ATP10B: variants seen among roughly 807,000 people sequenced by gnomAD.
The protein encoded by ATP10B is phospholipid-transporting ATPase VB.
Under a neutral mutation model 141.2 loss-of-function variants are expected in ATP10B, and 122 were observed. That is an observed-to-expected ratio of 0.86 (90% confidence interval 0.75 to 1.00). ATP10B has a LOEUF of 1.00. Among genes scored for constraint, ATP10B ranks in the 50% least tolerant of loss-of-function variants. The probability of loss-of-function intolerance (pLI) is 0.00; values close to 1 mark genes in which losing one functional copy is unlikely to be tolerated. For synonymous variants in ATP10B, 685 were observed against 692.0 expected (o/e 0.99, Z 0.16); for missense variants, 1,876 against 1,825.3 (o/e 1.03, Z -0.51).
At chr5:160,844,709 A>G (rs908196764) in intron 1 of ATP10B, among the ~76,000 whole-genome samples, 1 of 151,854 alleles carries the variant, frequency 6.6e-6, no homozygotes, top group Non-Finnish European at 1.5e-5. Context: ...ACATGTCCTG[A>G]TAATTTTTGT....
intron 2 of ATP10B, among the ~76,000 whole-genome samples, chr5:160,721,032 C>CAT (rs944090470): frequency 1.3e-5 from 2 of 151,988 alleles, no homozygotes; most frequent in Non-Finnish European, 2.9e-5. Context: ...GAAGTATGTG[C>CAT]ATATGTGTGT....
intron 2 of ATP10B, among the ~76,000 whole-genome samples, chr5:160,782,438 TACACACACACACACACAC>T (rs57112303): frequency 5.5e-4 from 77 of 141,180 alleles, no homozygotes; most frequent in Middle Eastern, 3.7e-3. Flanking sequence ...TCTTCCTCCA[TACACACACACACACACAC>T]ACACACACAC....
chr5:160,811,700 C>T (rs1013561705), intron 1 of ATP10B, among the ~76,000 whole-genome samples: 1 of 152,136 alleles, frequency 6.6e-6, no homozygotes, highest in African/African-American at 2.4e-5. Flanking sequence ...AGGTAGATTT[C>T]TAAGGTTTTT....
At chr5:160,927,906 G>C in the ATP10B span, among the ~76,000 whole-genome samples, 1 of 152,230 alleles carries the variant, frequency 6.6e-6, no homozygotes, top group Non-Finnish European at 1.5e-5. Flanking sequence ...TGAAGAGATG[G>C]CCTTTGAGCC....
chr5:160,610,696 A>G (rs1489130347), intron 18 of ATP10B, among the ~76,000 whole-genome samples: 1 of 152,238 alleles, frequency 6.6e-6, no homozygotes, highest in Non-Finnish European at 1.5e-5. Context: ...GTTCAAGAAG[A>G]ATGGTGTTTG....
At chr5:160,827,444 T>C (rs368399253) in intron 1 of ATP10B, among the ~76,000 whole-genome samples, 1 of 152,360 alleles carries the variant, frequency 6.6e-6, no homozygotes, top group African/African-American at 2.4e-5. Context: ...GTTGGCCATG[T>C]GTATGGCTTC....
At chr5:160,601,704 C>T (rs1757107416) in intron 21 of ATP10B, among the ~76,000 whole-genome samples, 1 of 152,134 alleles carries the variant, frequency 6.6e-6, no homozygotes, top group Non-Finnish European at 1.5e-5. Context: ...TATAGTTTCC[C>T]CATATTATTG....
At position 160,591,828 on chromosome 5, in the gene ATP10B, T is replaced by C. The variant is rs56017424; in HGVS notation, c.3565-689A>G. 9.5e-3 allele frequency among the ~76,000 whole-genome samples: 1,444 copies of C among 152,334 alleles called. 23 individuals carry two copies. Among genetic ancestry groups the C allele is most frequent in the African/African-American group, 0.032 (1,327 of 41,568 alleles). On this transcript the variant is annotated intron_variant, in intron 22 of 25. Coordinates refer to ENST00000327245, the MANE Select transcript of ATP10B (RefSeq NM_025153.3). ...AACTTAGAAGAGCCCAAGGTGAACA[T>C]GCACTCTCACCATGCCCCCTTCGTC...
chr5:160,650,227 C>CAT (rs951493528), intron 7 of ATP10B, among the ~76,000 whole-genome samples: 1 of 151,520 alleles, frequency 6.6e-6, no homozygotes, highest in Non-Finnish European at 1.5e-5. Flanking sequence ...CATATACACA[C>CAT]ATATATATAT....
At chr5:160,907,645 G>A in the ATP10B span, among the ~76,000 whole-genome samples, 1 of 152,184 alleles carries the variant, frequency 6.6e-6, no homozygotes, top group Admixed American at 6.5e-5. Context: ...ACAGGCATGA[G>A]CCACCACTGC....
At position 160,620,531 on chromosome 5, in the gene ATP10B, C is replaced by T. The variant is rs1758267471; in HGVS notation, c.2232G>A (p.Glu744=). 1 of 1,614,062 alleles carries T rather than the reference C, an allele frequency of 6.2e-7. No individual in the cohort carries two copies. The highest frequency in any genetic ancestry group is 1.7e-5 in the Admixed American group (1 of 60,016). The change falls in exon 15 of 26, where the codon GAG becomes GAA. Residue 744 remains glutamate, a synonymous_variant. Coordinates refer to ENST00000327245, the MANE Select transcript of ATP10B (RefSeq NM_025153.3). ...YSFTLVSRTP[E]QVTVRLPQGT... Reference sequence around the variant, plus strand: ...CCTGGGGCAGGCGCACAGTCACCTGCTCAGGTGTCCGGGACACTAGTGTGA... The same window carrying T: ...CCTGGGGCAGGCGCACAGTCACCTGTTCAGGTGTCCGGGACACTAGTGTGA...
intron 6 of ATP10B, among the ~76,000 whole-genome samples, chr5:160,673,400 G>A (rs1762838587): frequency 6.6e-6 from 1 of 152,058 alleles, no homozygotes; most frequent in South Asian, 2.1e-4. Context: ...ATCCCTTCAA[G>A]CATTTATCCT....
chr5:160,653,185 A>ATATATACAATATATTT (rs1461947853), intron 7 of ATP10B, among the ~76,000 whole-genome samples: 2 of 133,436 alleles, frequency 1.5e-5, no homozygotes, highest in African/African-American at 5.7e-5. Flanking sequence ...ACAATATATT[A>ATATATACAATATATTT]TATATACAAT....
At chr5:160,751,740 T>C (rs1489815097) in intron 2 of ATP10B, among the ~76,000 whole-genome samples, 3 of 152,182 alleles carry the variant, frequency 2.0e-5, no homozygotes. Context: ...GTAAAATGTT[T>C]GACACAAAGG....
At position 160,849,321 on chromosome 5, in the gene ATP10B, A is replaced by G. The variant is rs150318146; in HGVS notation, c.-576+2620T>C. ...GTTCAGATTGATACTGCACCATACCAGAGCGACCTGCAAAAACTTTATCTA... is the reference window on the plus strand; with the variant it reads ...GTTCAGATTGATACTGCACCATACCGGAGCGACCTGCAAAAACTTTATCTA... On this transcript the variant is annotated intron_variant, in intron 1 of 25. Coordinates refer to ENST00000327245, the MANE Select transcript of ATP10B (RefSeq NM_025153.3). Among the ~76,000 whole-genome samples the G allele has an allele frequency of 2.2e-3, 331 of 152,270 alleles. 2 individuals carry two copies. The highest frequency in any genetic ancestry group is 4.7e-4 in the Non-Finnish European group (32 of 68,014).
chr5:160,654,203 G>A (rs549798617), intron 7 of ATP10B, among the ~76,000 whole-genome samples: 53 of 151,624 alleles, frequency 3.5e-4, no homozygotes, highest in Admixed American at 1.8e-3. Flanking sequence ...GAGCTTAAGC[G>A]AGCCTCCTGC....
At chr5:160,864,198 A>T in the ATP10B span, among the ~76,000 whole-genome samples, 15 of 152,000 alleles carry the variant, frequency 9.9e-5, no homozygotes, top group Admixed American at 9.2e-4. Context: ...TCAACAAAAC[A>T]CTAGCTAACC....
intron 24 of ATP10B, among the ~76,000 whole-genome samples, chr5:160,578,615 C>T (rs1166557699): frequency 6.6e-6 from 1 of 151,958 alleles, no homozygotes; most frequent in African/African-American, 2.4e-5. Flanking sequence ...GGGTTGGTTC[C>T]AAGTCTTTGC....
intron 1 of ATP10B, among the ~76,000 whole-genome samples, chr5:160,805,058 C>G (rs1049127122): frequency 5.9e-5 from 9 of 152,224 alleles, no homozygotes; most frequent in Admixed American, 3.9e-4. Context: ...CAGCTCAAAC[C>G]TGTGCTATTC....
Sources: gnomAD v4.1 joint callset for allele counts (sites outside exome capture counted in the v4.1 genomes callset) on GRCh38, gnomAD v4.1.1 for gene constraint, MANE v1.5 for transcripts, NCBI Gene and HGNC (gene_info 2026-07-23, HGNC 2026-07-21) for gene names.